The following EEPD1 variants were observed in gnomAD, a reference collection of about 807,000 sequenced individuals.
EEPD1 encodes endonuclease/exonuclease/phosphatase family domain containing 1, also known as endonuclease/exonuclease/phosphatase family domain-containing protein 1.
Under a neutral mutation model 46.3 loss-of-function variants are expected in EEPD1, and 17 were observed. The ratio of observed to expected loss-of-function variants is 0.37; its 90% CI spans 0.25 to 0.55. The LOEUF (loss-of-function observed/expected upper bound fraction) is 0.55. Among genes scored for constraint, EEPD1 ranks in the 20% least tolerant of loss-of-function variants. The pLI is 0.83. For missense variants in EEPD1, 673 were observed against 745.6 expected, an observed-to-expected ratio of 0.90 and a Z score of 1.13; for synonymous variants, 313 against 315.6, an observed-to-expected ratio of 0.99 and a Z score of 0.09.
chr7:36,166,762 C>A (rs1784988885), intron 2 of EEPD1, among the ~76,000 whole-genome samples: 2 of 152,178 alleles, frequency 1.3e-5, no homozygotes, highest in Non-Finnish European at 1.5e-5. Flanking sequence ...ATATAAATTT[C>A]TTTCAAATCA....
At chr7:36,208,754 G>A (rs1785870023) in intron 2 of EEPD1, among the ~76,000 whole-genome samples, 1 of 152,214 alleles carries the variant, frequency 6.6e-6, no homozygotes, top group Non-Finnish European at 1.5e-5. Context: ...GTGTATTCCT[G>A]TGAGTTCCAC....
intron 3 of EEPD1, among the ~76,000 whole-genome samples, chr7:36,279,559 C>T (rs572317148): frequency 6.6e-6 from 1 of 152,322 alleles, no homozygotes; most frequent in East Asian, 1.9e-4. Context: ...TGTGGGCTGC[C>T]CAGGGGGCAT....
chr7:36,287,628 C>G lies in EEPD1; in HGVS notation c.1177-11C>G. The G allele has an allele frequency of 6.2e-7, 1 of 1,611,998 alleles. No individual in the cohort carries two copies. The highest frequency in any genetic ancestry group is 8.5e-7 in the Non-Finnish European group (1 of 1,178,992). Reference sequence around the variant, plus strand: ...GAGCCTCTCCCTGTTGCTTTGTTTCCTGCTGCCTAGGTGGGAAGTCACGAC... The same window carrying G: ...GAGCCTCTCCCTGTTGCTTTGTTTCGTGCTGCCTAGGTGGGAAGTCACGAC... On this transcript the variant is annotated splice_polypyrimidine_tract_variant and intron_variant, in intron 5 of 7. Transcript: ENST00000242108.
At chr7:36,210,925 A>C (rs1387069177) in intron 2 of EEPD1, among the ~76,000 whole-genome samples, 1 of 152,098 alleles carries the variant, frequency 6.6e-6, no homozygotes. Context: ...ATAGGCTCTG[A>C]CCTGAGCTGC....
At chr7:36,216,700 A>G (rs770633636) in intron 2 of EEPD1, among the ~76,000 whole-genome samples, 5 of 152,252 alleles carry the variant, frequency 3.3e-5, no homozygotes, top group Non-Finnish European at 7.3e-5. Context: ...ATGTATCTAT[A>G]TATGTGTATA....
intron 3 of EEPD1, 87 bp downstream of exon 3, chr7:36,239,123 C>G: frequency 7.7e-7 from 1 of 1,294,444 alleles, no homozygotes; most frequent in Non-Finnish European, 1.1e-6. Flanking sequence ...TCACCAGAGA[C>G]AGCCCCTACT....
At chr7:36,201,948 G>T (rs1349596140) in intron 2 of EEPD1, among the ~76,000 whole-genome samples, 1 of 152,208 alleles carries the variant, frequency 6.6e-6, no homozygotes, top group African/African-American at 2.4e-5. Context: ...CCTGCCTGCA[G>T]TTCGCAGTGT....
chr7:36,200,869 CAA>C lies in EEPD1; in HGVS notation c.879-38114_879-38113del, dbSNP rs750434851. On this transcript the variant is annotated intron_variant, in intron 2 of 7. Transcript: ENST00000242108. ...CCAGAACCACTTGCTTGGATAATCT[CAA>C]AGTTTCTTTCTGCAAGATGCTTATT... 2.6e-5 allele frequency among the ~76,000 whole-genome samples: 4 copies of C among 152,166 alleles called. No individual in the cohort carries two copies. The East Asian group carries it at 5.8e-4, about 22-fold the overall frequency.
chr7:36,186,827 A>G (rs1036871335), intron 2 of EEPD1, among the ~76,000 whole-genome samples: 1 of 152,240 alleles, frequency 6.6e-6, no homozygotes, highest in East Asian at 1.9e-4. Context: ...CAGTCTTACA[A>G]ACTATTATTG....
At chr7:36,293,231 A>AT (rs533042914) in intron 6 of EEPD1, among the ~76,000 whole-genome samples, 3 of 152,326 alleles carry the variant, frequency 2.0e-5, no homozygotes, top group East Asian at 1.9e-4. Flanking sequence ...TCAGTGAAGA[A>AT]TTTTTTTAAT....
intron 2 of EEPD1, among the ~76,000 whole-genome samples, chr7:36,237,985 G>GT (rs1280011690): frequency 6.6e-6 from 1 of 152,056 alleles, no homozygotes; most frequent in Non-Finnish European, 1.5e-5. Flanking sequence ...ATTTTTATGG[G>GT]TTTTTTTATT....
At chr7:36,155,792 C>T (rs1427448259) in intron 2 of EEPD1, among the ~76,000 whole-genome samples, 1 of 152,036 alleles carries the variant, frequency 6.6e-6, no homozygotes, top group Non-Finnish European at 1.5e-5. Flanking sequence ...CTTTTCTGTG[C>T]CATAGCCAGA....
chr7:36,226,835 A>C (rs1786238961), intron 2 of EEPD1, among the ~76,000 whole-genome samples: 1 of 152,212 alleles, frequency 6.6e-6, no homozygotes, highest in African/African-American at 2.4e-5. Context: ...TTAGAGAAAA[A>C]AGTATGGCTT....
chr7:36,222,634 C>T (rs1359445240), intron 2 of EEPD1, among the ~76,000 whole-genome samples: 1 of 152,088 alleles, frequency 6.6e-6, no homozygotes, highest in Non-Finnish European at 1.5e-5. Flanking sequence ...AAACAAAAGA[C>T]ATTTATTTCT....
At chr7:36,269,541 T>C (rs550564561) in intron 3 of EEPD1, among the ~76,000 whole-genome samples, 1 of 152,228 alleles carries the variant, frequency 6.6e-6, no homozygotes, top group East Asian at 1.9e-4. Flanking sequence ...GGGGTTAATG[T>C]CTTTGGTCAT....
intron 5 of EEPD1, among the ~76,000 whole-genome samples, chr7:36,286,076 T>A (rs535174254): frequency 1.3e-5 from 2 of 152,300 alleles, no homozygotes; most frequent in African/African-American, 4.8e-5. Flanking sequence ...TGTTCCAGTG[T>A]TGGCCACCTG....
intron 6 of EEPD1, among the ~76,000 whole-genome samples, chr7:36,289,757 G>A (rs1787399146): frequency 1.3e-5 from 2 of 152,314 alleles, no homozygotes; most frequent in South Asian, 2.1e-4. Context: ...GCCTCCCAAA[G>A]TGCTGGGATT....
intron 2 of EEPD1, among the ~76,000 whole-genome samples, chr7:36,233,299 T>C (rs1786370421): frequency 2.0e-5 from 3 of 152,248 alleles, no homozygotes; most frequent in Admixed American, 2.0e-4. Context: ...ATTCACGTAG[T>C]ACCTTTCAAC....
At chr7:36,262,030 C>G (rs1055954157) in intron 3 of EEPD1, among the ~76,000 whole-genome samples, 2 of 152,230 alleles carry the variant, frequency 1.3e-5, no homozygotes. Context: ...AAAGCGTTCA[C>G]TGACATTCCT....
Sources: gnomAD v4.1 joint callset for allele counts (sites outside exome capture counted in the v4.1 genomes callset) on GRCh38, gnomAD v4.1.1 for gene constraint, MANE v1.5 for transcripts, NCBI Gene and HGNC (gene_info 2026-07-23, HGNC 2026-07-21) for gene names.